Variants in UPRT observed in about 807,000 individuals in gnomAD.
UPRT encodes RP11-311P8.3.
Under a neutral mutation model 22.6 loss-of-function variants are expected in UPRT, and 5 were observed. The ratio of observed to expected loss-of-function variants is 0.22; its 90% CI spans 0.12 to 0.47. UPRT has a LOEUF of 0.47. UPRT is among the 20% of genes least tolerant of loss of function. UPRT has a pLI of 0.99. For synonymous variants in UPRT, 77 were observed against 87.7 expected (o/e 0.88, Z 0.68); for missense variants, 181 against 239.9 (o/e 0.75, Z 1.62).
At chrX:75,255,387 C>T (rs2147665384) in intron 4 of UPRT, among the ~76,000 whole-genome samples, 1 of 112,077 alleles carries the variant, frequency 8.9e-6, no homozygotes, top group East Asian at 2.8e-4. Context: ...CCTGGAAACA[C>T]ATCAACACAG....
chrX:75,297,069 GGAGGCTCATAAAGAAGAACA>G (rs947402871), intron 3 of UPRT, among the ~76,000 whole-genome samples: 10 of 111,474 alleles, frequency 9.0e-5, no homozygotes, highest in Admixed American at 6.7e-4. Flanking sequence ...AAGGCAGAAT[GGAGGCTCATAAAGAAGAACA>G]GAGGCTCATA....
intron 4 of UPRT, among the ~76,000 whole-genome samples, chrX:75,186,977 A>G (rs1431486241): frequency 1.8e-5 from 2 of 111,242 alleles, no homozygotes; most frequent in Non-Finnish European, 3.8e-5. Flanking sequence ...TCTTTATCCA[A>G]TTTGCCAGTC....
chrX:75,165,624 G>T (rs2082211079), intron 3 of UPRT, among the ~76,000 whole-genome samples: 1 of 112,158 alleles, frequency 8.9e-6, no homozygotes, highest in South Asian at 3.7e-4. Context: ...ATACCAAAGA[G>T]AAAGGCTAAA....
chrX:75,218,417 G>A (rs1375428148), intron 4 of UPRT, among the ~76,000 whole-genome samples: 1 of 104,643 alleles, frequency 9.6e-6, no homozygotes, highest in African/African-American at 3.5e-5. Flanking sequence ...TGGAGAAACA[G>A]GAACACTTTT....
At chrX:75,278,227 A>C (rs943793463) in intron 1 of UPRT, among the ~76,000 whole-genome samples, 7 of 112,115 alleles carry the variant, frequency 6.2e-5, no homozygotes, top group Non-Finnish European at 1.3e-4. Flanking sequence ...TTGAGCCAGC[A>C]GGACTGCATG....
chrX:75,196,346 A>C (rs2147621057), intron 4 of UPRT, among the ~76,000 whole-genome samples: 1 of 111,719 alleles, frequency 9.0e-6, no homozygotes, highest in South Asian at 3.8e-4. Flanking sequence ...AGTTTTTAAT[A>C]CATGTTTTGA....
At chrX:75,267,188 G>A (rs751917957) in intron 4 of UPRT, among the ~76,000 whole-genome samples, 3 of 111,832 alleles carry the variant, frequency 2.7e-5, no homozygotes, top group Non-Finnish European at 5.6e-5. Flanking sequence ...GGAACCAACC[G>A]AAATGTCCAT....
intron 1 of UPRT, among the ~76,000 whole-genome samples, chrX:75,159,706 G>A (rs1000872676): frequency 6.4e-5 from 7 of 109,350 alleles, no homozygotes; most frequent in African/African-American, 2.3e-4. Context: ...AAAGAAAAAC[G>A]TAATCACCAT....
chrX:75,178,700 G>A (rs377207181), intron 4 of UPRT, among the ~76,000 whole-genome samples: 2 of 110,505 alleles, frequency 1.8e-5, no homozygotes, highest in East Asian at 2.9e-4. Flanking sequence ...TGTTCCTCCC[G>A]GTGGGCTCGT....
rs935018665 is a variant in UPRT at position 75,296,810 on chromosome X, A to G, written c.499+399A>G. Among the ~76,000 whole-genome samples the G allele has an allele frequency of 3.8e-4, 43 of 111,900 alleles. 1 individual carries two copies. Among genetic ancestry groups the G allele is most frequent in the African/African-American group, 1.3e-3 (39 of 30,840 alleles). ...AAAAGGATAGAAAGTAAAAAAGAAA[A>G]CTAAAAATGATAAGAATTGGAGAAG... is the stretch of plus-strand genomic sequence containing the variant. On this transcript the variant is annotated intron_variant, in intron 3 of 6. Coordinates refer to ENST00000373383, the MANE Select transcript of UPRT (RefSeq NM_145052.4).
At chrX:75,285,908 G>T (rs778342506) in intron 1 of UPRT, among the ~76,000 whole-genome samples, 1 of 110,804 alleles carries the variant, frequency 9.0e-6, no homozygotes, top group Non-Finnish European at 1.9e-5. Flanking sequence ...TTCACTGGGG[G>T]TTTGTTTTTG....
At position 75,252,512 on chromosome X, in the gene UPRT, G is replaced by A. The variant is rs760156953; in HGVS notation, c.-446-38512G>A. Among the ~76,000 whole-genome samples, 3 of 112,442 alleles carry A rather than the reference G, an allele frequency of 2.7e-5. No individual in the cohort carries two copies. The East Asian group carries it at 8.4e-4, about 31-fold the overall frequency. On this transcript the variant is annotated intron_variant, in intron 4 of 13. Coordinates refer to the UPRT transcript ENST00000652605. ...ATGAGATACCATCTCACACCAGTTAGAATGGCGATCATTAAAAAGTCAAGA... is the reference window on the plus strand; with the variant it reads ...ATGAGATACCATCTCACACCAGTTAAAATGGCGATCATTAAAAAGTCAAGA...
At chrX:75,208,932 A>T (rs746237912) in intron 4 of UPRT, among the ~76,000 whole-genome samples, 1 of 111,906 alleles carries the variant, frequency 8.9e-6, no homozygotes, top group South Asian at 3.8e-4. Context: ...AGAGGGAAGC[A>T]TCTGGGCTGC....
chrX:75,218,654 A>G (rs1407818405), intron 4 of UPRT, among the ~76,000 whole-genome samples: 1 of 96,111 alleles, frequency 1.0e-5, no homozygotes, highest in African/African-American at 3.9e-5. Context: ...TCCAACAATG[A>G]TAGACTGGAT....
chrX:75,195,785 C>T (rs1288995627), intron 4 of UPRT, among the ~76,000 whole-genome samples: 3 of 112,155 alleles, frequency 2.7e-5, no homozygotes, highest in African/African-American at 9.7e-5. Flanking sequence ...CTTTCAGTGT[C>T]TTCCTCTGAA....
At chrX:75,268,127 C>G (rs986592561) in intron 4 of UPRT, among the ~76,000 whole-genome samples, 5 of 111,816 alleles carry the variant, frequency 4.5e-5, no homozygotes, top group South Asian at 7.4e-4. Flanking sequence ...AAACTATAAA[C>G]ACCTCTACCT....
chrX:75,160,562 G>C (rs530044253), exon 2 of UPRT, among the ~76,000 whole-genome samples: 21 of 111,709 alleles, frequency 1.9e-4, no homozygotes, highest in African/African-American at 6.8e-4. Context: ...ACAGAGTCTC[G>C]CTCTTGTCAC....
At chrX:75,190,158 T>G (rs968633901) in intron 4 of UPRT, among the ~76,000 whole-genome samples, 6 of 112,025 alleles carry the variant, frequency 5.4e-5, no homozygotes, top group Non-Finnish European at 9.4e-5. Context: ...CAGGAGCTCT[T>G]GTAGGGTGGG....
intron 4 of UPRT, among the ~76,000 whole-genome samples, chrX:75,214,609 A>G (rs972705447): frequency 8.9e-6 from 1 of 112,413 alleles, no homozygotes; most frequent in African/African-American, 3.2e-5. Context: ...ATAATACTGT[A>G]TTGTGTACTT....
Sources: gnomAD v4.1 joint callset for allele counts (sites outside exome capture counted in the v4.1 genomes callset) on GRCh38, gnomAD v4.1.1 for gene constraint, MANE v1.5 for transcripts, NCBI Gene and HGNC (gene_info 2026-07-23, HGNC 2026-07-21) for gene names.